The following CHCHD6 variants were observed in gnomAD, a reference collection of about 807,000 sequenced individuals.
CHCHD6 encodes coiled-coil-helix-coiled-coil-helix domain containing 6, also known as MICOS complex subunit MIC25.
CHCHD6 carries 28 observed loss-of-function variants against 32.3 expected under a neutral mutation model. That is an observed-to-expected ratio of 0.87 (90% confidence interval 0.64 to 1.19). The LOEUF (loss-of-function observed/expected upper bound fraction) is 1.19. Ranked by LOEUF, CHCHD6 falls within the 50% of genes most tolerant of loss-of-function variation. The pLI is 0.00. For synonymous variants in CHCHD6, 122 were observed against 117.5 expected, an observed-to-expected ratio of 1.04 and a Z score of -0.25; for missense variants, 333 against 307.0, an observed-to-expected ratio of 1.08 and a Z score of -0.63.
rs79887622 is a variant in CHCHD6, at chr3:126,906,530, G to A, written c.496-8150G>A. On this transcript the variant is annotated intron_variant, in intron 5 of 7. Coordinates refer to ENST00000290913, the MANE Select transcript of CHCHD6 (RefSeq NM_032343.3). ...AGCGCTCATCTTGCTGCTTTACGCCGGGTGTAGTCTCATCCCAGACCTCTC... is the reference window on the plus strand; with the variant it reads ...AGCGCTCATCTTGCTGCTTTACGCCAGGTGTAGTCTCATCCCAGACCTCTC... Among the ~76,000 whole-genome samples, 1,511 of 152,288 alleles carry A rather than the reference G, an allele frequency of 9.9e-3. 27 individuals are homozygous for A. Among genetic ancestry groups the A allele is most frequent in the African/African-American group, 0.034 (1,421 of 41,554 alleles).
chr3:126,957,583 G>C (rs1362743695), intron 7 of CHCHD6, 32 bp downstream of exon 7: 3 of 1,551,106 alleles, frequency 1.9e-6, no homozygotes, highest in African/African-American at 1.4e-5. Context: ...AGGTTTCCAA[G>C]GGCCTTGGGA....
chr3:126,730,972 G>T (rs1376122091), intron 3 of CHCHD6, among the ~76,000 whole-genome samples: 3 of 151,752 alleles, frequency 2.0e-5, no homozygotes. Context: ...TGGGGGTGGT[G>T]GTGTGTGCCT....
chr3:126,862,536 C>T (rs1941963886), intron 5 of CHCHD6, among the ~76,000 whole-genome samples: 1 of 137,556 alleles, frequency 7.3e-6, no homozygotes, highest in Non-Finnish European at 1.6e-5. Flanking sequence ...CACCCTCTTC[C>T]ACCATCACCA....
intron 5 of CHCHD6, among the ~76,000 whole-genome samples, chr3:126,911,997 G>A (rs2078097626): frequency 1.3e-5 from 2 of 152,216 alleles, no homozygotes; most frequent in Admixed American, 6.5e-5. Context: ...AATTGTGGGG[G>A]GCGGGGCTTA....
chr3:126,926,026 C>T (rs184880505), intron 6 of CHCHD6, among the ~76,000 whole-genome samples: 41 of 152,296 alleles, frequency 2.7e-4, no homozygotes, highest in Admixed American at 1.2e-3. Context: ...AGAGCACAGA[C>T]GCACTCCCAG....
chr3:126,764,258 C>T (rs1054991752), intron 4 of CHCHD6, among the ~76,000 whole-genome samples: 6 of 145,838 alleles, frequency 4.1e-5, no homozygotes, highest in African/African-American at 1.5e-4. Flanking sequence ...CAGCACTAAA[C>T]CAGGCACCTT....
intron 6 of CHCHD6, among the ~76,000 whole-genome samples, chr3:126,931,337 G>A (rs915598298): frequency 6.6e-6 from 1 of 152,224 alleles, no homozygotes; most frequent in Non-Finnish European, 1.5e-5. Flanking sequence ...TTCGCAGCAG[G>A]CCTTTCCTTC....
chr3:126,748,846 C>T (rs913480839), intron 4 of CHCHD6, among the ~76,000 whole-genome samples: 5 of 152,092 alleles, frequency 3.3e-5, no homozygotes, highest in African/African-American at 1.2e-4. Context: ...CCAGAAGTGA[C>T]CCGATCCTGA....
intron 6 of CHCHD6, among the ~76,000 whole-genome samples, chr3:126,941,967 A>G (rs2078566923): frequency 6.6e-6 from 1 of 152,188 alleles, no homozygotes; most frequent in Non-Finnish European, 1.5e-5. Context: ...GGAATCTGTC[A>G]TGCATCATCA....
intron 4 of CHCHD6, chr3:126,767,291 T>A: frequency 8.5e-7 from 1 of 1,175,748 alleles, no homozygotes; most frequent in Non-Finnish European, 1.3e-6. Flanking sequence ...CTGCCCCATC[T>A]TGTTCTCCCC....
At chr3:126,912,168 A>C (rs1349872118) in intron 5 of CHCHD6, among the ~76,000 whole-genome samples, 1 of 152,206 alleles carries the variant, frequency 6.6e-6, no homozygotes, top group Non-Finnish European at 1.5e-5. Flanking sequence ...CATATGCCAA[A>C]GCGCAAATCA....
chr3:126,878,313 C>A (rs114737338), intron 5 of CHCHD6, among the ~76,000 whole-genome samples: 1 of 152,220 alleles, frequency 6.6e-6, no homozygotes, highest in Non-Finnish European at 1.5e-5. Flanking sequence ...TTGAAAGAAA[C>A]CAGTGTTTCC....
chr3:126,911,880 C>G (rs1050859020), intron 5 of CHCHD6, among the ~76,000 whole-genome samples: 3 of 152,196 alleles, frequency 2.0e-5, no homozygotes, highest in Non-Finnish European at 4.4e-5. Context: ...GGATGGTGAC[C>G]TGACACTCAG....
chr3:126,921,119 C>G (rs1351875155), intron 6 of CHCHD6, among the ~76,000 whole-genome samples: 1 of 152,162 alleles, frequency 6.6e-6, no homozygotes, highest in Non-Finnish European at 1.5e-5. Flanking sequence ...AATCCTAAAG[C>G]CAGACCCTGT....
At chr3:126,765,770 G>A (rs1045228073) in intron 4 of CHCHD6, among the ~76,000 whole-genome samples, 2 of 152,184 alleles carry the variant, frequency 1.3e-5, no homozygotes, top group African/African-American at 4.8e-5. Flanking sequence ...ACCATCACCT[G>A]ATTTTCATTT....
At chr3:126,862,604 T>C (rs1160654885) in intron 5 of CHCHD6, among the ~76,000 whole-genome samples, 30 of 37,730 alleles carry the variant, frequency 8.0e-4, no homozygotes, top group Admixed American at 1.9e-3. Context: ...TCCTCCACCA[T>C]CACCACCTCC....
intron 6 of CHCHD6, among the ~76,000 whole-genome samples, chr3:126,922,691 A>C (rs2078269366): frequency 6.6e-6 from 1 of 151,392 alleles, no homozygotes; most frequent in Admixed American, 6.6e-5. Flanking sequence ...CATCTTATGC[A>C]GGCATTGACT....
chr3:126,704,444 C>T, intron 1 of CHCHD6, 45 bp downstream of exon 1: 1 of 1,273,254 alleles, frequency 7.9e-7, no homozygotes, highest in Non-Finnish European at 1.0e-6. Context: ...AGGCCGCGGG[C>T]GCGGGGGGGA....
At chr3:126,944,742 T>C (rs1183250621) in intron 6 of CHCHD6, among the ~76,000 whole-genome samples, 2 of 152,198 alleles carry the variant, frequency 1.3e-5, no homozygotes, top group African/African-American at 4.8e-5. Flanking sequence ...GAAGTTGTGG[T>C]TAGCAGACAG....
Sources: gnomAD v4.1 joint callset for allele counts (sites outside exome capture counted in the v4.1 genomes callset) on GRCh38, gnomAD v4.1.1 for gene constraint, MANE v1.5 for transcripts, NCBI Gene and HGNC (gene_info 2026-07-23, HGNC 2026-07-21) for gene names.